Variants in AGBL1 observed in about 807,000 individuals in gnomAD.
AGBL1 encodes AGBL carboxypeptidase 1, also known as cytosolic carboxypeptidase 4.
In AGBL1, 130 loss-of-function variants were observed where a neutral mutation model predicts 118.9. That is an observed-to-expected ratio of 1.09 (90% CI 0.95 to 1.26). The LOEUF (loss-of-function observed/expected upper bound fraction) is 1.26, where lower values mean the gene tolerates loss of function less well. Among genes scored for constraint, AGBL1 ranks in the 50% most tolerant of loss-of-function variants. AGBL1 has a pLI of 0.00. For missense variants in AGBL1, 1,584 were observed against 1,298.1 expected (o/e 1.22, Z -3.38); for synonymous variants, 555 against 478.9 (o/e 1.16, Z -2.08).
At chr15:86,851,941 T>C (rs1232502222) in intron 22 of AGBL1, among the ~76,000 whole-genome samples, 1 of 152,188 alleles carries the variant, frequency 6.6e-6, no homozygotes, top group Non-Finnish European at 1.5e-5. Context: ...TTTTTATTTT[T>C]TATTGTTTAG....
At chr15:86,612,886 C>A (rs530377428) in intron 21 of AGBL1, among the ~76,000 whole-genome samples, 44 of 152,326 alleles carry the variant, frequency 2.9e-4, no homozygotes, top group Non-Finnish European at 5.7e-4. Context: ...GACCTTAACT[C>A]AAGCTGATTT....
At chr15:87,024,459 C>T (rs960952396) in intron 24 of AGBL1, among the ~76,000 whole-genome samples, 2 of 151,978 alleles carry the variant, frequency 1.3e-5, no homozygotes, top group Non-Finnish European at 2.9e-5. Context: ...AGACCAATAA[C>T]AAGCAGCAAG....
chr15:86,771,261 G>T (rs771629730), intron 22 of AGBL1, among the ~76,000 whole-genome samples: 1 of 152,000 alleles, frequency 6.6e-6, no homozygotes, highest in Non-Finnish European at 1.5e-5. Context: ...ATAGTGCTAG[G>T]TACTTTAGCT....
intron 1 of AGBL1, among the ~76,000 whole-genome samples, chr15:86,140,418 C>T (rs1166719057): frequency 6.6e-6 from 1 of 151,912 alleles, no homozygotes; most frequent in African/African-American, 2.4e-5. Context: ...TTCATGGCCT[C>T]CTTGGAGTTC....
At chr15:86,316,546 T>C (rs17668149) in intron 17 of AGBL1, among the ~76,000 whole-genome samples, 6,244 of 152,238 alleles carry the variant, frequency 0.041, 163 homozygotes, top group South Asian at 0.076. Flanking sequence ...GGTCAGTCAT[T>C]GTGGAGGTGA....
chr15:86,324,470 C>T (rs972761549), intron 17 of AGBL1, among the ~76,000 whole-genome samples: 6 of 152,188 alleles, frequency 3.9e-5, no homozygotes, highest in African/African-American at 1.4e-4. Context: ...CAGCTGTGAA[C>T]ATCTCATAGC....
intron 23 of AGBL1, among the ~76,000 whole-genome samples, chr15:86,941,546 G>A (rs1369678967): frequency 1.3e-5 from 2 of 152,228 alleles, no homozygotes; most frequent in African/African-American, 2.4e-5. Flanking sequence ...CCTGGCTGGA[G>A]AGGCCATTTT....
At position 86,643,441 on chromosome 15, in the gene AGBL1, A is replaced by G. The variant is rs577528846; in HGVS notation, c.2995-30832A>G. On this transcript the variant is annotated intron_variant, in intron 21 of 22. Coordinates refer to ENST00000614907, the MANE Select transcript of AGBL1 (RefSeq NM_001386094.1). ...CCCTATATTTGCTGCCATAGCCTTG[A>G]TTTTCTTTGTGAATATGCATAATAT... Among the ~76,000 whole-genome samples, 95 of 152,106 alleles carry G rather than the reference A, an allele frequency of 6.2e-4. 1 individual carries two copies. The South Asian group carries it at 8.3e-3, about 13-fold the overall frequency.
At chr15:86,729,624 C>A (rs1367548273) in intron 22 of AGBL1, among the ~76,000 whole-genome samples, 2 of 152,204 alleles carry the variant, frequency 1.3e-5, no homozygotes, top group Non-Finnish European at 2.9e-5. Context: ...TTTTTTATGG[C>A]TGCATAGTAT....
intron 22 of AGBL1, among the ~76,000 whole-genome samples, chr15:86,848,585 C>G (rs1439778720): frequency 6.6e-6 from 1 of 152,098 alleles, no homozygotes; most frequent in Non-Finnish European, 1.5e-5. Context: ...AGTATGGTCG[C>G]AGTCATTCAA....
At chr15:86,382,025 T>C (rs2081119356) in intron 17 of AGBL1, among the ~76,000 whole-genome samples, 1 of 152,164 alleles carries the variant, frequency 6.6e-6, no homozygotes. Flanking sequence ...TTAGTAACGC[T>C]CTGGGTGCCA....
chr15:86,537,398 A>G (rs1438627260), intron 19 of AGBL1, among the ~76,000 whole-genome samples: 1 of 152,232 alleles, frequency 6.6e-6, no homozygotes, highest in Non-Finnish European at 1.5e-5. Context: ...GATAGGTTGC[A>G]GGGATTGTGT....
intron 22 of AGBL1, among the ~76,000 whole-genome samples, chr15:86,845,495 T>C (rs1372063086): frequency 6.6e-6 from 1 of 152,162 alleles, no homozygotes; most frequent in Non-Finnish European, 1.5e-5. Flanking sequence ...CTTTGCCCAA[T>C]TTGGTTTGCT....
intron 18 of AGBL1, among the ~76,000 whole-genome samples, chr15:86,465,530 A>G (rs1215339479): frequency 2.6e-5 from 4 of 152,204 alleles, no homozygotes; most frequent in Non-Finnish European, 5.9e-5. Flanking sequence ...GAAAGCGAAT[A>G]GGAGAAATAT....
intron 17 of AGBL1, among the ~76,000 whole-genome samples, chr15:86,323,848 C>G (rs543901336): frequency 1.3e-5 from 2 of 152,152 alleles, no homozygotes; most frequent in Non-Finnish European, 2.9e-5. Flanking sequence ...ATGGACTTAC[C>G]ACTACTGACC....
rs550793201 is a variant in AGBL1 at position 86,613,375 on chromosome 15, C to T, written c.2994+58838C>T. 4.3e-4 allele frequency among the ~76,000 whole-genome samples: 65 copies of T among 152,170 alleles called. No individual in the cohort carries two copies. Among genetic ancestry groups the T allele is most frequent in the African/African-American group, 1.1e-3 (47 of 41,510 alleles). The stretch of plus-strand genomic sequence containing the variant: ...TGGGGCAGTAGGACACCGGTTGGTG[C>T]GTGGACAGTTAGTGGGTGAGAAGAC... On this transcript the variant is annotated intron_variant, in intron 21 of 22. Coordinates refer to ENST00000614907, the MANE Select transcript of AGBL1 (RefSeq NM_001386094.1). This position sits in a 1 kb window ranked among gnomAD's most constrained non-coding sequence, Gnocchi z 4.2.
chr15:86,994,244 T>A (rs1236251540), intron 24 of AGBL1, among the ~76,000 whole-genome samples: 4 of 152,024 alleles, frequency 2.6e-5, no homozygotes, highest in African/African-American at 9.7e-5. Context: ...CCCTCAGAAA[T>A]CAGAGCACTG....
chr15:86,193,182 T>C (rs1236818682), intron 5 of AGBL1, among the ~76,000 whole-genome samples: 1 of 152,158 alleles, frequency 6.6e-6, no homozygotes, highest in African/African-American at 2.4e-5. Flanking sequence ...CTTGGTTCTG[T>C]TTGGAGATGT....
At chr15:86,580,571 G>A (rs1365469106) in intron 21 of AGBL1, among the ~76,000 whole-genome samples, 1 of 151,548 alleles carries the variant, frequency 6.6e-6, no homozygotes, top group African/African-American at 2.4e-5. Flanking sequence ...TTTTCCTTTT[G>A]TTTTTAGTTG....
Sources: allele counts gnomAD v4.1 joint callset (sites outside exome capture counted in the v4.1 genomes callset), GRCh38; gene constraint gnomAD v4.1.1; non-coding constraint Gnocchi (gnomAD v3.1); transcripts MANE v1.5; gene names NCBI Gene and HGNC (gene_info 2026-07-23, HGNC 2026-07-21).